CCDC77: variants seen among roughly 807,000 people sequenced by gnomAD.
The protein encoded by CCDC77 is coiled-coil domain-containing protein 77.
In CCDC77, 56 loss-of-function variants were observed where a neutral mutation model predicts 66.8. The ratio of observed to expected loss-of-function variants is 0.84; its 90% CI spans 0.68 to 1.05. The LOEUF is 1.05. Ranked by LOEUF, CCDC77 falls within the 50% of genes least tolerant of loss-of-function variation. The probability of loss-of-function intolerance (pLI) is 0.00; values close to 1 mark genes in which losing one functional copy is unlikely to be tolerated. For synonymous variants in CCDC77, 196 were observed against 195.2 expected (o/e 1.00, Z -0.03); for missense variants, 570 against 576.8 (o/e 0.99, Z 0.12).
At chr12:434,373 G>T (rs1360098615) in intron 9 of CCDC77, among the ~76,000 whole-genome samples, 1 of 143,718 alleles carries the variant, frequency 7.0e-6, no homozygotes, top group African/African-American at 2.6e-5. Flanking sequence ...TTTTTTTGGA[G>T]ACTAAGTCTC....
At chr12:408,359 A>G (rs1284447304) in intron 2 of CCDC77, among the ~76,000 whole-genome samples, 2 of 152,168 alleles carry the variant, frequency 1.3e-5, no homozygotes, top group Non-Finnish European at 2.9e-5. Context: ...ATCTTGGGTT[A>G]TCAATTGAGA....
intron 4 of CCDC77, among the ~76,000 whole-genome samples, chr12:416,373 GTGTGTATATATATA>G (rs1386934690): frequency 4.0e-5 from 1 of 25,290 alleles, no homozygotes; most frequent in African/African-American, 1.7e-4. Flanking sequence ...GTGTGTGTGT[GTGTGTATATATATA>G]TATATATATA....
At chr12:436,024 G>A (rs1220284356) in intron 9 of CCDC77, among the ~76,000 whole-genome samples, 2 of 151,740 alleles carry the variant, frequency 1.3e-5, no homozygotes, top group Non-Finnish European at 2.9e-5. Flanking sequence ...ACAGACATGA[G>A]CCACTGTGCC....
intron 6 of CCDC77, among the ~76,000 whole-genome samples, chr12:429,471 T>TC (rs1166005761): frequency 6.6e-6 from 1 of 151,966 alleles, no homozygotes; most frequent in African/African-American, 2.4e-5. Context: ...TACTTTTTTT[T>TC]TTTTTTTGAG....
chr12:436,270 A>G (rs1945751008), intron 9 of CCDC77, among the ~76,000 whole-genome samples: 1 of 150,128 alleles, frequency 6.7e-6, no homozygotes, highest in Admixed American at 6.6e-5. Flanking sequence ...GGCGCCCACC[A>G]CCACGCCCGG....
At chr12:412,310 C>T (rs1024521266) in intron 4 of CCDC77, among the ~76,000 whole-genome samples, 1 of 152,196 alleles carries the variant, frequency 6.6e-6, no homozygotes, top group Non-Finnish European at 1.5e-5. Context: ...ATATCAAGTC[C>T]TTCAAACCTA....
In CCDC77 at chr12:411,845, A is replaced by C; in HGVS notation, c.137A>C (p.Glu46Ala). ...GAGTCAACCCCCTTGCCTTCCCCCG[A>C]AGATCGTCTGGCCAAACTCCATCCT... Reference protein sequence around the residue: ...SLESTPLPSPEDRLAKLHPSK... With the variant: ...SLESTPLPSPADRLAKLHPSK... Residue 46 changes from glutamate to alanine, a missense_variant, in exon 4 of 13, where the codon GAA becomes GCA. Coordinates refer to ENST00000239830, the MANE Select transcript of CCDC77 (RefSeq NM_032358.4). The C allele has an allele frequency of 1.2e-6, 2 of 1,614,012 alleles. No homozygotes were observed. The highest frequency in any genetic ancestry group is 1.1e-5 in the South Asian group (1 of 91,068).
Position 433,526 on chromosome 12 carries a change from G to A in CCDC77, c.821+204G>A, listed in dbSNP as rs117527971. 3,217 of 1,274,828 alleles carry A rather than the reference G, an allele frequency of 2.5e-3. 98 individuals are homozygous for A. In the East Asian group the frequency reaches 0.07, roughly 28 times the overall value. 79.0% of individuals were successfully genotyped at this position (1,274,828 alleles called of 1,614,324 possible). ...GTTGAAGAGCTGATGAGTATTTCAC[G>A]TGCTCCTTTTAATCCATTTTGGTGT... On this transcript the variant is annotated intron_variant, in intron 9 of 12. Coordinates refer to ENST00000239830, the MANE Select transcript of CCDC77 (RefSeq NM_032358.4).
chr12:402,121 T>C (rs971325734), intron 1 of CCDC77, among the ~76,000 whole-genome samples: 6 of 152,232 alleles, frequency 3.9e-5, no homozygotes, highest in African/African-American at 9.6e-5. Context: ...CAAATGTTAA[T>C]TGTTAGTAGA....
Position 442,152 on chromosome 12 carries a change from C to A in CCDC77, c.*232C>A. On this transcript the variant is annotated 3_prime_UTR_variant, in exon 13 of 13. Coordinates refer to ENST00000239830, the MANE Select transcript of CCDC77 (RefSeq NM_032358.4). ...CACTTGCGAGGAGTAGGGGCCTGGT[C>A]CTGAATGACTTGGAGGCTTTCATTA... is the stretch of plus-strand genomic sequence containing the variant. 1 of 477,122 alleles carries A rather than the reference C, an allele frequency of 2.1e-6. No individual in the cohort carries two copies. Among genetic ancestry groups the A allele is most frequent in the Non-Finnish European group, 3.7e-6 (1 of 267,564 alleles). 29.6% of individuals were successfully genotyped at this position (477,122 alleles called of 1,614,324 possible).
chr12:402,288 A>T (rs767918334), intron 1 of CCDC77, among the ~76,000 whole-genome samples: 3 of 152,230 alleles, frequency 2.0e-5, no homozygotes, highest in Non-Finnish European at 4.4e-5. Context: ...GCACGCTAGC[A>T]TGGGAGAAAC....
intron 10 of CCDC77, among the ~76,000 whole-genome samples, 180 bp from the exon 11 acceptor site, chr12:440,437 A>G (rs1394295879): frequency 6.6e-6 from 1 of 152,226 alleles, no homozygotes; most frequent in African/African-American, 2.4e-5. Flanking sequence ...AAAAGGGCTT[A>G]AGAGACTGGT....
intron 5 of CCDC77, among the ~76,000 whole-genome samples, chr12:427,936 A>G (rs1050123963): frequency 7.2e-5 from 11 of 152,298 alleles, no homozygotes; most frequent in Non-Finnish European, 1.5e-4. Context: ...GGCCTCGTCC[A>G]ACACGATAGG....
chr12:416,373 GTGTGTATATATATATATATATATATATA>G (rs1565569136), intron 4 of CCDC77, among the ~76,000 whole-genome samples: 2 of 25,292 alleles, frequency 7.9e-5, no homozygotes, highest in Admixed American at 5.1e-4. Flanking sequence ...GTGTGTGTGT[GTGTGTATATATATATATATATATATATA>G]TATATATATA....
intron 4 of CCDC77, among the ~76,000 whole-genome samples, 187 bp downstream of exon 4, chr12:412,165 A>C (rs1172339012): frequency 6.6e-6 from 1 of 152,130 alleles, no homozygotes; most frequent in Non-Finnish European, 1.5e-5. Context: ...CTTCCTCTCA[A>C]ATCTTAAATT....
At chr12:400,411 C>G (rs1944880155), upstream of CCDC77, among the ~76,000 whole-genome samples, 1 of 152,256 alleles carries the variant, frequency 6.6e-6, no homozygotes, top group African/African-American at 2.4e-5. Flanking sequence ...TGCAAGAAGA[C>G]TGGCTTTCAT....
intron 5 of CCDC77, among the ~76,000 whole-genome samples, chr12:423,506 T>TTTTTTTTTTTC (rs1945473043): frequency 9.2e-6 from 1 of 108,928 alleles, no homozygotes; most frequent in African/African-American, 3.9e-5. Flanking sequence ...TTTTTTTTTT[T>TTTTTTTTTTTC]TTTTTTTGAG....
At chr12:390,681 G>A (rs1451058628) in intron 1 of CCDC77, among the ~76,000 whole-genome samples, 1 of 151,918 alleles carries the variant, frequency 6.6e-6, no homozygotes, top group Non-Finnish European at 1.5e-5. Flanking sequence ...GCAGATTTTG[G>A]ACTTGGAAGC....
chr12:389,689 G>A (rs1944718233), intron 1 of CCDC77, among the ~76,000 whole-genome samples: 1 of 147,402 alleles, frequency 6.8e-6, no homozygotes, highest in South Asian at 2.1e-4. Context: ...TCCCTTTTGT[G>A]TATCAGTGCA....
Sources: allele counts gnomAD v4.1 joint callset (sites outside exome capture counted in the v4.1 genomes callset), GRCh38; gene constraint gnomAD v4.1.1; transcripts MANE v1.5; gene names NCBI Gene and HGNC (gene_info 2026-07-23, HGNC 2026-07-21).